Variants in EYS observed in about 807,000 individuals in gnomAD.
EYS encodes protein eyes shut homolog.
A neutral mutation model predicts 282.1 loss-of-function variants in EYS; 250 were observed. That is an observed-to-expected ratio of 0.89 (90% CI 0.80 to 0.98). The LOEUF is 0.98. EYS is among the 50% of genes least tolerant of loss of function. The pLI is 0.00. For synonymous variants in EYS, 1,355 were observed against 1,282.9 expected (o/e 1.06, Z -1.20); for missense variants, 4,016 against 3,709.0 (o/e 1.08, Z -2.15).
intron 12 of EYS, among the ~76,000 whole-genome samples, chr6:65,169,414 G>A: frequency 6.6e-6 from 1 of 151,326 alleles, no homozygotes; most frequent in East Asian, 2.0e-4. Flanking sequence ...TATCTAAAAT[G>A]TTTAAAAATA....
At chr6:64,695,963 A>G (rs138731683) in intron 22 of EYS, among the ~76,000 whole-genome samples, 4 of 152,288 alleles carry the variant, frequency 2.6e-5, no homozygotes, top group East Asian at 1.9e-4. Flanking sequence ...TAAAGGTACT[A>G]TTACACCTCT....
intron 23 of EYS, among the ~76,000 whole-genome samples, chr6:64,622,069 A>T (rs9342343): frequency 1.3e-5 from 2 of 152,126 alleles, no homozygotes; most frequent in Non-Finnish European, 2.9e-5. Context: ...TTAATTCCCT[A>T]TATAGGTACA....
chr6:64,988,498 A>AAC (rs1356894601), intron 14 of EYS, among the ~76,000 whole-genome samples: 3 of 151,478 alleles, frequency 2.0e-5, no homozygotes, highest in Admixed American at 1.3e-4. Context: ...CGTACAGGTA[A>AAC]ACACCTGACC....
intron 35 of EYS, among the ~76,000 whole-genome samples, chr6:63,979,851 A>G (rs1215730109): frequency 6.6e-6 from 1 of 151,924 alleles, no homozygotes; most frequent in Non-Finnish European, 1.5e-5. Flanking sequence ...AAAATGAAAA[A>G]AGATTGGACA....
chr6:64,711,878 T>C (rs1771225361), intron 22 of EYS, among the ~76,000 whole-genome samples: 1 of 152,192 alleles, frequency 6.6e-6, no homozygotes, highest in South Asian at 2.1e-4. Context: ...GCATTCTGAC[T>C]GGTTTGTGAA....
At chr6:64,841,840 G>A (rs1001757500) in intron 19 of EYS, among the ~76,000 whole-genome samples, 3 of 152,048 alleles carry the variant, frequency 2.0e-5, no homozygotes, top group Admixed American at 6.6e-5. Flanking sequence ...CTAATCATTC[G>A]CCAACACATC....
intron 31 of EYS, among the ~76,000 whole-genome samples, chr6:64,140,260 T>C (rs989140372): frequency 2.0e-5 from 3 of 152,234 alleles, no homozygotes; most frequent in African/African-American, 7.2e-5. Context: ...TGCCAATATC[T>C]GTACATATCT....
At chr6:65,692,905 A>G (rs967803501) in intron 1 of EYS, among the ~76,000 whole-genome samples, 1 of 150,162 alleles carries the variant, frequency 6.7e-6, no homozygotes, top group African/African-American at 2.4e-5. Context: ...AATTTTGGAA[A>G]TAATAACTGC....
At chr6:64,478,160 T>G (rs982135030) in intron 26 of EYS, among the ~76,000 whole-genome samples, 1 of 152,046 alleles carries the variant, frequency 6.6e-6, no homozygotes, top group Admixed American at 6.6e-5. Flanking sequence ...AACCCTACCA[T>G]CTATTAAAAA....
chr6:64,093,827 T>C (rs183831368), intron 31 of EYS, among the ~76,000 whole-genome samples: 1 of 152,190 alleles, frequency 6.6e-6, no homozygotes, highest in Admixed American at 6.5e-5. Flanking sequence ...ATCCCTGTCT[T>C]GTGCCGGTTT....
chr6:63,745,462 C>T (rs977692885), intron 41 of EYS, among the ~76,000 whole-genome samples: 11 of 152,202 alleles, frequency 7.2e-5, no homozygotes, highest in Non-Finnish European at 1.6e-4. Flanking sequence ...TGAATTCAGA[C>T]TTCAGTTGCA....
At chr6:64,951,464 A>G (rs556450425) in intron 14 of EYS, among the ~76,000 whole-genome samples, 37 of 152,150 alleles carry the variant, frequency 2.4e-4, no homozygotes, top group Admixed American at 4.6e-4. Context: ...AAAGTTTGAA[A>G]CAAATGTCTG....
chr6:64,310,378 A>T (rs541059883), intron 29 of EYS, among the ~76,000 whole-genome samples: 32 of 152,376 alleles, frequency 2.1e-4, no homozygotes, highest in African/African-American at 7.0e-4. Flanking sequence ...GTACATAGAC[A>T]CAATGGAATA....
chr6:63,922,992 G>A (rs1044235438), intron 35 of EYS, among the ~76,000 whole-genome samples: 3 of 152,108 alleles, frequency 2.0e-5, no homozygotes, highest in Admixed American at 6.5e-5. Context: ...AAAAATAAAA[G>A]ATTAGTACTC....
At position 65,614,082 on chromosome 6, in the gene EYS, G is replaced by A. The variant is rs117084672; in HGVS notation, c.-333+25696C>T. Among the ~76,000 whole-genome samples the A allele has an allele frequency of 1.8e-3, 267 of 151,994 alleles. 3 individuals carry two copies. In the East Asian group the frequency reaches 0.031, roughly 18 times the overall value. On this transcript the variant is annotated intron_variant, in intron 2 of 42. Transcript: ENST00000503581. ...AGGCACATGGGATATACAATACGAC[G>A]TGTCTTTAAATTTCACTTATTTCAT...
At chr6:63,922,164 A>G (rs1231565797) in intron 35 of EYS, among the ~76,000 whole-genome samples, 1 of 152,196 alleles carries the variant, frequency 6.6e-6, no homozygotes, top group Non-Finnish European at 1.5e-5. Context: ...GAGAAAACAA[A>G]TATTCATTGT....
At chr6:64,199,593 A>G (rs1765399764) in intron 31 of EYS, among the ~76,000 whole-genome samples, 1 of 152,214 alleles carries the variant, frequency 6.6e-6, no homozygotes, top group Non-Finnish European at 1.5e-5. Context: ...TAATTAAACT[A>G]GAGAGCTTCT....
chr6:65,607,729 A>T (rs929488315), intron 2 of EYS, among the ~76,000 whole-genome samples: 3 of 151,962 alleles, frequency 2.0e-5, no homozygotes, highest in African/African-American at 7.2e-5. Flanking sequence ...AATGGAGTGA[A>T]AATAAATTAT....
At chr6:63,859,470 A>G (rs1490164860) in intron 36 of EYS, among the ~76,000 whole-genome samples, 1 of 151,982 alleles carries the variant, frequency 6.6e-6, no homozygotes, top group African/African-American at 2.4e-5. Context: ...TGAGAGGCTT[A>G]AGTTGGGAAG....
Sources: gnomAD v4.1 joint callset for allele counts (sites outside exome capture counted in the v4.1 genomes callset) on GRCh38, gnomAD v4.1.1 for gene constraint, MANE v1.5 for transcripts, NCBI Gene and HGNC (gene_info 2026-07-23, HGNC 2026-07-21) for gene names.